Variants in SLC17A6 observed in about 807,000 individuals in gnomAD.
SLC17A6 encodes the protein vesicular glutamate transporter 2.
In SLC17A6, 35 loss-of-function variants were observed where a neutral mutation model predicts 67.1. The ratio of observed to expected loss-of-function variants is 0.52; its 90% CI spans 0.40 to 0.69. The LOEUF (loss-of-function observed/expected upper bound fraction) is 0.69. SLC17A6 is among the 30% of genes least tolerant of loss of function. SLC17A6 has a pLI of 0.00. For synonymous variants in SLC17A6, 285 were observed against 252.3 expected, an observed-to-expected ratio of 1.13 and a Z score of -1.23; for missense variants, 588 against 723.9, an observed-to-expected ratio of 0.81 and a Z score of 2.15.
At chr11:22,349,871 C>A (rs530364735) in intron 3 of SLC17A6, among the ~76,000 whole-genome samples, 1 of 152,294 alleles carries the variant, frequency 6.6e-6, no homozygotes, top group African/African-American at 2.4e-5. Context: ...GATTAAACAG[C>A]CTGAGTCAGT....
chr11:22,376,152 G>T, intron 10 of SLC17A6, 60 bp downstream of exon 10: 1 of 1,116,872 alleles, frequency 9.0e-7, no homozygotes, highest in East Asian at 2.4e-5. Flanking sequence ...GCTGATAAAA[G>T]ACACATACAT....
rs3047441 is a variant in SLC17A6, at chr11:22,338,812, G to GGTGTGTGTGT, written c.86+224_86+233dup. Among the ~76,000 whole-genome samples the GGTGTGTGTGT allele has an allele frequency of 4.2e-3, 575 of 136,320 alleles. 4 individuals are homozygous for GGTGTGTGTGT. Among genetic ancestry groups the GGTGTGTGTGT allele is most frequent in the African/African-American group, 0.015 (543 of 35,508 alleles). 89.4% of individuals were successfully genotyped at this position (136,320 alleles called of 152,430 possible). ...AATGTTGCACTAAATGAACCTGTCT[G>GGTGTGTGTGT]GTGTGTGTGTGTGTGTGTGTGTGTG... On this transcript the variant is annotated intron_variant, in intron 1 of 11. Coordinates refer to ENST00000263160, the MANE Select transcript of SLC17A6 (RefSeq NM_020346.3).
Position 22,376,098 on chromosome 11 carries a change from A to T in SLC17A6, c.1285+6A>T, listed in dbSNP as rs781316112. 1 of 1,600,836 alleles carries T rather than the reference A, an allele frequency of 6.2e-7. No homozygotes were observed. The highest frequency in any genetic ancestry group is 8.5e-7 in the Non-Finnish European group (1 of 1,171,510). On this transcript the variant is annotated splice_donor_region_variant and intron_variant, in intron 10 of 11. Coordinates refer to ENST00000263160, the MANE Select transcript of SLC17A6 (RefSeq NM_020346.3). ...CAGTGGATTTGCTATATCTGGTAAG[A>T]TATAATTTTTTTTCTTTGTACTTGG...
intron 3 of SLC17A6, among the ~76,000 whole-genome samples, chr11:22,344,634 G>T (rs1855855319): frequency 6.6e-6 from 1 of 152,138 alleles, no homozygotes; most frequent in Admixed American, 6.5e-5. Context: ...CTAAGAGCAA[G>T]TAGTAGACAA....
In SLC17A6 at chr11:22,368,493, T is replaced by C. The variant is rs552812861; in HGVS notation, c.892-1546T>C. Among the ~76,000 whole-genome samples the C allele has an allele frequency of 3.3e-5, 5 of 152,148 alleles. No individual in the cohort carries two copies. In the East Asian group the frequency reaches 7.7e-4, roughly 23 times the overall value. The stretch of plus-strand genomic sequence containing the variant: ...GAACATTATCAGAATACCATAATCT[T>C]CCCTTTAATCCGCCAACAATTTTTT... On this transcript the variant is annotated intron_variant, in intron 7 of 11. Coordinates refer to ENST00000263160, the MANE Select transcript of SLC17A6 (RefSeq NM_020346.3).
intron 3 of SLC17A6, among the ~76,000 whole-genome samples, chr11:22,352,456 A>G (rs1855951053): frequency 6.6e-6 from 1 of 152,250 alleles, no homozygotes; most frequent in Admixed American, 6.5e-5. Context: ...ATAAATATTC[A>G]TAGAAGAAAG....
intron 7 of SLC17A6, 118 bp downstream of exon 7, chr11:22,365,807 C>A: frequency 9.0e-7 from 1 of 1,106,388 alleles, no homozygotes; most frequent in Non-Finnish European, 1.3e-6. Context: ...ATCATAACTT[C>A]TTTTATTTTG....
chr11:22,362,331 T>C, intron 5 of SLC17A6: 1 of 351,506 alleles, frequency 2.8e-6, no homozygotes, highest in South Asian at 2.8e-5. Context: ...CAGTAAAAGC[T>C]ACACAAACAT....
intron 3 of SLC17A6, among the ~76,000 whole-genome samples, chr11:22,353,290 C>T (rs1348249109): frequency 6.6e-6 from 1 of 152,114 alleles, no homozygotes; most frequent in Admixed American, 6.6e-5. Context: ...TGACAACTTG[C>T]CCAAAGTCAT....
In SLC17A6 at chr11:22,365,565, G is replaced by A; in HGVS notation, c.767G>A (p.Trp256Ter). 1 of 1,613,888 alleles carries A rather than the reference G, an allele frequency of 6.2e-7. No individual in the cohort carries two copies. Among genetic ancestry groups the A allele is most frequent in the Non-Finnish European group, 8.5e-7 (1 of 1,179,858 alleles). Reference sequence around the variant, plus strand: ...CTTGCAGGAAGCTTTGGAATGGTCTGGTACATGTTTTGGCTTTTGGTGTCT... The same window carrying A: ...CTTGCAGGAAGCTTTGGAATGGTCTAGTACATGTTTTGGCTTTTGGTGTCT... Reference protein sequence around the residue: ...FYVYGSFGMVWYMFWLLVSYE... With the variant: ...FYVYGSFGMV Residue 256 changes from tryptophan to a stop codon, truncating the protein, a stop_gained, in exon 7 of 12, where the codon TGG (tryptophan) becomes TAG (stop). Coordinates refer to ENST00000263160, the MANE Select transcript of SLC17A6 (RefSeq NM_020346.3). LOFTEE classifies it high-confidence loss of function.
chr11:22,338,653 T>G, intron 1 of SLC17A6, 34 bp downstream of exon 1: 19 of 1,519,052 alleles, frequency 1.3e-5, no homozygotes, highest in Non-Finnish European at 1.7e-5. Context: ...TACCTGGGGC[T>G]CAGCATGAAA....
chr11:22,341,091 C>T (rs1855809877), intron 1 of SLC17A6, among the ~76,000 whole-genome samples: 1 of 152,178 alleles, frequency 6.6e-6, no homozygotes, highest in African/African-American at 2.4e-5. Flanking sequence ...AGGAGGACAC[C>T]GCGGTAGTCA....
Position 22,378,765 on chromosome 11 carries a change from T to C in SLC17A6, c.*1025T>C, listed in dbSNP as rs1856262452. On this transcript the variant is annotated 3_prime_UTR_variant, in exon 12 of 12. Transcript: ENST00000263160. ...ACTTCATAGAGATATTGTAAGTAGGTAATTTTATTATTTAAAGTCCTATTA... is the reference window on the plus strand; with the variant it reads ...ACTTCATAGAGATATTGTAAGTAGGCAATTTTATTATTTAAAGTCCTATTA... 1 of 152,140 alleles carries C rather than the reference T, an allele frequency of 6.6e-6. No individual in the cohort carries two copies. The highest frequency in any genetic ancestry group is 2.1e-4 in the South Asian group (1 of 4,832). The allele number at this position is 152,140 out of a possible 1,614,324, so 9.4% of individuals were successfully genotyped here.
chr11:22,365,364 C>A (rs897042909), intron 6 of SLC17A6, among the ~76,000 whole-genome samples, 183 bp from the exon 7 acceptor site: 7 of 152,076 alleles, frequency 4.6e-5, no homozygotes, highest in Non-Finnish European at 1.0e-4. Context: ...ACAGGACTGG[C>A]CTTTAAGAAG....
At position 22,378,086 on chromosome 11, in the gene SLC17A6, G is replaced by A. The variant is rs902769920; in HGVS notation, c.*346G>A. ...ATCCTACAAAAGTTAAGAAGCCAAAGCTACTTGATCATGCAAAATGCACTT... is the reference window on the plus strand; with the variant it reads ...ATCCTACAAAAGTTAAGAAGCCAAAACTACTTGATCATGCAAAATGCACTT... On this transcript the variant is annotated 3_prime_UTR_variant, in exon 12 of 12. Coordinates refer to ENST00000263160, the MANE Select transcript of SLC17A6 (RefSeq NM_020346.3). 13 of 291,400 alleles carry A rather than the reference G, an allele frequency of 4.5e-5. No individual in the cohort carries two copies. Among genetic ancestry groups the A allele is most frequent in the African/African-American group, 2.4e-4 (11 of 46,320 alleles). The allele number at this position is 291,400 out of a possible 1,614,324, so 18.1% of individuals were successfully genotyped here. A position where few individuals can be genotyped will look rare whatever the true frequency, so the allele number is the denominator to read the frequency against.
intron 5 of SLC17A6, among the ~76,000 whole-genome samples, chr11:22,361,900 T>C (rs1332484521): frequency 6.6e-6 from 1 of 152,246 alleles, no homozygotes; most frequent in Non-Finnish European, 1.5e-5. Flanking sequence ...TTAAGGCTGC[T>C]GTGATTTTGC....
intron 1 of SLC17A6, among the ~76,000 whole-genome samples, chr11:22,339,908 G>GAA (rs11322834): frequency 3.3e-5 from 5 of 149,508 alleles, no homozygotes; most frequent in Non-Finnish European, 7.4e-5. Context: ...TGCAGGAAAT[G>GAA]AAAAAAAAAA....
chr11:22,342,934 G>A (rs2133858258), intron 2 of SLC17A6: 1 of 495,000 alleles, frequency 2.0e-6, no homozygotes, highest in South Asian at 1.5e-5. Context: ...TCTTCATGGG[G>A]AGTCCGAATT....
Position 22,338,481 on chromosome 11 carries a change from TC to T in SLC17A6, c.-51del. The T allele has an allele frequency of 1.5e-6, 2 of 1,313,204 alleles. No homozygotes were observed. The highest frequency in any genetic ancestry group is 2.2e-6 in the Non-Finnish European group (2 of 910,420). 81.3% of individuals were successfully genotyped at this position (1,313,204 alleles called of 1,614,324 possible). A position where few individuals can be genotyped will look rare whatever the true frequency, so the allele number is the denominator to read the frequency against. On this transcript the variant is annotated 5_prime_UTR_variant, in exon 1 of 12. An upstream open reading frame in the 5' UTR loses its in-frame stop. Coordinates refer to ENST00000263160, the MANE Select transcript of SLC17A6 (RefSeq NM_020346.3). ...AGACAATATGCGCAATCCTCGCCTT[TC>T]CTAGCAATCACTATTTAAATCTGGC... is the stretch of plus-strand genomic sequence containing the variant.
Sources: gnomAD v4.1 joint callset for allele counts (sites outside exome capture counted in the v4.1 genomes callset) on GRCh38, gnomAD v4.1.1 for gene constraint, MANE v1.5 for transcripts, NCBI Gene and HGNC (gene_info 2026-07-23, HGNC 2026-07-21) for gene names.